SCN8A: variants seen among roughly 807,000 people sequenced by gnomAD.
The protein encoded by SCN8A is sodium voltage-gated channel alpha subunit 8.
A neutral mutation model predicts 184.1 loss-of-function variants in SCN8A; 30 were observed. That is an observed-to-expected ratio of 0.16 (90% CI 0.12 to 0.22). SCN8A has a LOEUF of 0.22. Among genes scored for constraint, SCN8A ranks in the 10% least tolerant of loss-of-function variants. The pLI, the probability that SCN8A is intolerant of heterozygous loss-of-function variation, is 1.00. For synonymous variants in SCN8A, 852 were observed against 907.0 expected, an observed-to-expected ratio of 0.94 and a Z score of 1.09; for missense variants, 1,057 against 2,498.9, an observed-to-expected ratio of 0.42 and a Z score of 12.30.
intron 1 of SCN8A, among the ~76,000 whole-genome samples, chr12:51,660,048 A>G (rs983461111): frequency 6.6e-6 from 1 of 152,334 alleles, no homozygotes; most frequent in Admixed American, 6.5e-5. Flanking sequence ...GAGATCCCTA[A>G]AAGACTGTAA....
chr12:51,656,506 AAG>A (rs1272781164), intron 1 of SCN8A, among the ~76,000 whole-genome samples: 1 of 152,310 alleles, frequency 6.6e-6, no homozygotes, highest in East Asian at 1.9e-4. Context: ...AGACAGGTGA[AAG>A]AGAGGAAATA....
intron 13 of SCN8A, among the ~76,000 whole-genome samples, chr12:51,747,718 A>G (rs951616841): frequency 2.0e-5 from 3 of 152,088 alleles, no homozygotes; most frequent in Non-Finnish European, 4.4e-5. Flanking sequence ...CTCCTTTCGG[A>G]GGCCTTAGAG....
chr12:51,638,518 C>T (rs546046920), intron 1 of SCN8A, among the ~76,000 whole-genome samples: 90 of 148,704 alleles, frequency 6.1e-4, no homozygotes, highest in South Asian at 6.0e-3. Context: ...GACGGAGTCT[C>T]GCTCTGTCAC....
intron 21 of SCN8A, among the ~76,000 whole-genome samples, chr12:51,782,021 G>A (rs1343761423): frequency 6.6e-6 from 1 of 152,126 alleles, no homozygotes; most frequent in Non-Finnish European, 1.5e-5. Context: ...AAACTTAATT[G>A]GGACTTGGGA....
intron 11 of SCN8A, among the ~76,000 whole-genome samples, chr12:51,719,732 G>A (rs368865152): frequency 6.6e-4 from 99 of 149,324 alleles, no homozygotes; most frequent in Middle Eastern, 3.4e-3. Flanking sequence ...AGGGAATATG[G>A]AAAGGAAGCA....
At chr12:51,739,306 C>T (rs1307620304) in intron 12 of SCN8A, among the ~76,000 whole-genome samples, 1 of 152,088 alleles carries the variant, frequency 6.6e-6, no homozygotes, top group East Asian at 1.9e-4. Context: ...TTGCTGAATT[C>T]CTGCCTGAAT....
rs1266385723 is a variant in SCN8A at position 51,663,057 on chromosome 12, C to T, written c.240C>T (p.Pro80=). The change falls in exon 2 of 27, where the codon CCC becomes CCT. Residue 80 remains proline (P), a synonymous_variant. Coordinates refer to ENST00000627620, the MANE Select transcript of SCN8A (RefSeq NM_001330260.2). ...TCCCCCAAGGCCTGGTTGCAGTTCC[C>T]CTGGAGGACTTTGACCCATACTATT... is the stretch of plus-strand genomic sequence containing the variant. ...GDIPQGLVAV[P]LEDFDPYYLT... is the part of the protein sequence containing the mutation. 1 of 1,613,864 alleles carries T rather than the reference C, an allele frequency of 6.2e-7. No individual in the cohort carries two copies. The highest frequency in any genetic ancestry group is 8.5e-7 in the Non-Finnish European group (1 of 1,179,882).
chr12:51,686,484 T>A (rs747115709), intron 4 of SCN8A, 27 bp downstream of exon 4: 7 of 1,456,580 alleles, frequency 4.8e-6, no homozygotes, highest in Non-Finnish European at 6.7e-6. Flanking sequence ...TGTGTGTGCT[T>A]GTTTGTTTTA....
chr12:51,701,220 C>T lies in SCN8A; in HGVS notation c.992+13C>T. 6.4e-7 allele frequency: 1 copy of T among 1,559,464 alleles called. No individual in the cohort carries two copies. Among genetic ancestry groups the T allele is most frequent in the Non-Finnish European group, 8.7e-7 (1 of 1,147,136 alleles). Reference sequence around the variant, plus strand: ...GTTCTGATGCTGGGTAAGTAGCTCACCTAGTTTTATTCTCTTTCCTTAAAA... The same window carrying T: ...GTTCTGATGCTGGGTAAGTAGCTCATCTAGTTTTATTCTCTTTCCTTAAAA... On this transcript the variant is annotated intron_variant, in intron 8 of 26. Coordinates refer to ENST00000627620, the MANE Select transcript of SCN8A (RefSeq NM_001330260.2).
At chr12:51,771,126 A>G (rs1247793687) in intron 19 of SCN8A, among the ~76,000 whole-genome samples, 1 of 152,210 alleles carries the variant, frequency 6.6e-6, no homozygotes, top group Non-Finnish European at 1.5e-5. Context: ...GGTTATTTAT[A>G]TTCACATTGT....
intron 10 of SCN8A, among the ~76,000 whole-genome samples, chr12:51,705,901 T>A (rs921146963): frequency 3.3e-5 from 5 of 152,188 alleles, no homozygotes; most frequent in Non-Finnish European, 2.9e-5. Flanking sequence ...ACCAGGGCAG[T>A]TTATATAGTG....
rs60928084 is a variant in SCN8A, at chr12:51,811,804, G to A, written c.*4375G>A. 24,116 of 152,328 alleles carry A rather than the reference G, an allele frequency of 0.16. 2,269 individuals are homozygous for A. Among genetic ancestry groups the A allele is most frequent in the East Asian group, 0.4 (2,050 of 5,160 alleles). 9.4% of individuals were successfully genotyped at this position (152,328 alleles called of 1,614,324 possible). ...GGTCAGTCCCCATCCTCCTCCCCTCGGCCCCCAGCCTCCAGGCCTGCTGTG... is the reference window on the plus strand; with the variant it reads ...GGTCAGTCCCCATCCTCCTCCCCTCAGCCCCCAGCCTCCAGGCCTGCTGTG... On this transcript the variant is annotated 3_prime_UTR_variant, in exon 27 of 27. Transcript: ENST00000627620.
intron 12 of SCN8A, among the ~76,000 whole-genome samples, chr12:51,723,994 A>G (rs1194038624): frequency 6.6e-6 from 1 of 152,194 alleles, no homozygotes; most frequent in Non-Finnish European, 1.5e-5. Flanking sequence ...CAGAGACCCT[A>G]ATCTTCCGTG....
intron 12 of SCN8A, among the ~76,000 whole-genome samples, chr12:51,729,883 G>A (rs1260541915): frequency 6.6e-6 from 1 of 151,956 alleles, no homozygotes; most frequent in Admixed American, 6.6e-5. Flanking sequence ...TTGTTTTATT[G>A]TGCCATTAAT....
chr12:51,765,769 G>A lies in SCN8A; in HGVS notation c.2643G>A (p.Val881=), dbSNP rs1452949377. The change falls in exon 16 of 27, where the codon GTG becomes GTA. Residue 881 remains valine (V), a synonymous_variant. Transcript: ENST00000627620. ...SVGALGNLTL[V]LAIIVFIFAV... is the part of the protein sequence containing the mutation. ...GTGCCCTGGGCAACCTGACACTGGT[G>A]CTGGCCATTATTGTCTTCATCTTTG... 2 of 1,613,828 alleles carry A rather than the reference G, an allele frequency of 1.2e-6. No homozygotes were observed. The highest frequency in any genetic ancestry group is 1.7e-5 in the Admixed American group (1 of 60,008).
In SCN8A at chr12:51,810,234, G is replaced by A. The variant is rs1248753024; in HGVS notation, c.*2805G>A. 1 of 249,938 alleles carries A rather than the reference G, an allele frequency of 4.0e-6. No individual in the cohort carries two copies. Among genetic ancestry groups the A allele is most frequent in the South Asian group, 3.4e-5 (1 of 29,476 alleles). 15.5% of individuals were successfully genotyped at this position (249,938 alleles called of 1,614,324 possible). On this transcript the variant is annotated 3_prime_UTR_variant, in exon 27 of 27. Coordinates refer to ENST00000627620, the MANE Select transcript of SCN8A (RefSeq NM_001330260.2). Reference sequence around the variant, plus strand: ...TCATAGGAAAGAAGCCACCTCCGCTGTATTTGAAGTTTCACTTTTTAAAAA... The same window carrying A: ...TCATAGGAAAGAAGCCACCTCCGCTATATTTGAAGTTTCACTTTTTAAAAA...
At chr12:51,763,143 T>A (rs957487275) in intron 15 of SCN8A, among the ~76,000 whole-genome samples, 4 of 152,152 alleles carry the variant, frequency 2.6e-5, no homozygotes, top group African/African-American at 7.2e-5. Context: ...AAAATGAGAA[T>A]AAAATAAGGT....
rs140363372 is a variant in SCN8A, at chr12:51,596,756, A to C, written c.-55+5397A>C. 3.0e-3 allele frequency among the ~76,000 whole-genome samples: 457 copies of C among 152,320 alleles called. 1 individual carries two copies. The highest frequency in any genetic ancestry group is 0.014 in the Middle Eastern group (4 of 294). On this transcript the variant is annotated intron_variant, in intron 1 of 26. Transcript: ENST00000627620. ...ACACACTTGTGTTCCTTCTGTGGCT[A>C]TCCTAGCTACTTTTAAAAAGGTCAT... is the stretch of plus-strand genomic sequence containing the variant.
At chr12:51,747,832 T>C (rs1316856819) in intron 13 of SCN8A, among the ~76,000 whole-genome samples, 1 of 147,130 alleles carries the variant, frequency 6.8e-6, no homozygotes, top group Admixed American at 7.0e-5. Context: ...GCTGTGCTTA[T>C]TCTCCACCCT....
Sources: allele counts gnomAD v4.1 joint callset (sites outside exome capture counted in the v4.1 genomes callset), GRCh38; gene constraint gnomAD v4.1.1; transcripts MANE v1.5; gene names NCBI Gene and HGNC (gene_info 2026-07-23, HGNC 2026-07-21).